Variants in EYA2 observed in about 807,000 individuals in gnomAD.
EYA2 encodes protein phosphatase EYA2.
A neutral mutation model predicts 69.2 loss-of-function variants in EYA2; 31 were observed. The observed-to-expected ratio is 0.45, with a 90% CI of 0.34 to 0.60. The LOEUF is 0.60. Ranked by LOEUF, EYA2 falls within the 20% of genes least tolerant of loss-of-function variation. The probability of loss-of-function intolerance (pLI) is 0.02; values close to 1 mark genes in which losing one functional copy is unlikely to be tolerated. For synonymous variants in EYA2, 257 were observed against 279.4 expected (o/e 0.92, Z 0.80); for missense variants, 622 against 701.2 (o/e 0.89, Z 1.28).
intron 5 of EYA2, among the ~76,000 whole-genome samples, chr20:47,039,597 G>A (rs1383117545): frequency 6.6e-6 from 1 of 152,118 alleles, no homozygotes; most frequent in Non-Finnish European, 1.5e-5. Context: ...ACCTACAATG[G>A]AAACAAAGTA....
At position 47,004,906 on chromosome 20, in the gene EYA2, G is replaced by T. The variant is rs200460704; in HGVS notation, c.156-36G>T. 9 of 1,613,982 alleles carry T rather than the reference G, an allele frequency of 5.6e-6. No homozygotes were observed. In the Admixed American group the frequency reaches 1.2e-4, roughly 21 times the overall value. On this transcript the variant is annotated intron_variant, in intron 3 of 15. Coordinates refer to ENST00000327619, the MANE Select transcript of EYA2 (RefSeq NM_005244.5). ...GATAAGGAAGAAGGGGTGCCAGACT[G>T]GGCCTGGAGATTTAATCTTCCCTCT...
chr20:47,132,975 C>T (rs3827058), intron 9 of EYA2, among the ~76,000 whole-genome samples: 3,380 of 151,924 alleles, frequency 0.022, 116 homozygotes, highest in East Asian at 0.092. Flanking sequence ...TTGTCTATGC[C>T]GCAAACACCC....
chr20:47,021,031 A>G (rs1233738506), intron 5 of EYA2, among the ~76,000 whole-genome samples: 2 of 152,210 alleles, frequency 1.3e-5, no homozygotes, highest in Non-Finnish European at 1.5e-5. Context: ...AAATGGGGAC[A>G]CTAAGAGTAC....
chr20:47,088,695 C>T (rs1411301903), intron 7 of EYA2, among the ~76,000 whole-genome samples: 2 of 152,198 alleles, frequency 1.3e-5, no homozygotes, highest in Admixed American at 6.5e-5. Context: ...TCAAGCGACC[C>T]TCCTACTCTG....
intron 1 of EYA2, among the ~76,000 whole-genome samples, chr20:46,900,041 G>GT (rs1240924505): frequency 6.6e-6 from 1 of 152,158 alleles, no homozygotes; most frequent in Non-Finnish European, 1.5e-5. Flanking sequence ...TGTTGTGTCA[G>GT]TAACATGAAA....
intron 1 of EYA2, among the ~76,000 whole-genome samples, chr20:46,966,402 A>G (rs970270215): frequency 2.0e-5 from 3 of 152,218 alleles, no homozygotes; most frequent in Non-Finnish European, 4.4e-5. Flanking sequence ...CTCTGTTCTC[A>G]TGGAGCATGT....
chr20:47,073,370 CT>C (rs1370640641), intron 6 of EYA2, among the ~76,000 whole-genome samples: 1 of 152,084 alleles, frequency 6.6e-6, no homozygotes, highest in Non-Finnish European at 1.5e-5. Flanking sequence ...TTCTGGACCC[CT>C]AATGCTGTGT....
intron 9 of EYA2, among the ~76,000 whole-genome samples, chr20:47,099,646 A>C (rs2032367465): frequency 6.6e-6 from 1 of 152,212 alleles, no homozygotes; most frequent in East Asian, 1.9e-4. Context: ...GCACACTGGA[A>C]GCCTCTGCTA....
chr20:47,088,364 A>G (rs1272606715), intron 7 of EYA2, among the ~76,000 whole-genome samples: 5 of 152,372 alleles, frequency 3.3e-5, no homozygotes, highest in African/African-American at 1.2e-4. Flanking sequence ...TAAAGGTGGA[A>G]GAGTGTAATG....
intron 5 of EYA2, among the ~76,000 whole-genome samples, chr20:47,023,557 G>T (rs1983884293): frequency 1.3e-5 from 2 of 150,550 alleles, no homozygotes; most frequent in African/African-American, 4.9e-5. Flanking sequence ...TGTAGTATCT[G>T]ATCTGCTGCT....
chr20:47,053,860 C>CA (rs2146439883), intron 5 of EYA2, among the ~76,000 whole-genome samples: 1 of 151,590 alleles, frequency 6.6e-6, no homozygotes, highest in Admixed American at 6.6e-5. Flanking sequence ...TCAGGGTTGT[C>CA]AAGGAGAGGC....
chr20:46,992,754 T>G (rs779947661), intron 2 of EYA2, among the ~76,000 whole-genome samples: 2 of 152,130 alleles, frequency 1.3e-5, no homozygotes, highest in African/African-American at 2.4e-5. Flanking sequence ...GAGAGGTTGC[T>G]CCCAAATTCA....
intron 10 of EYA2, among the ~76,000 whole-genome samples, chr20:47,163,328 G>A (rs1000360702): frequency 1.3e-5 from 2 of 152,206 alleles, no homozygotes; most frequent in African/African-American, 2.4e-5. Context: ...ACCGCGCCCA[G>A]CCGGATGTAT....
chr20:47,002,262 A>G (rs567381316), intron 3 of EYA2, among the ~76,000 whole-genome samples: 4 of 152,104 alleles, frequency 2.6e-5, no homozygotes, highest in African/African-American at 7.2e-5. Flanking sequence ...TACATAGGTA[A>G]ACATGTGCCA....
At chr20:46,959,874 A>G (rs1979366725) in intron 1 of EYA2, among the ~76,000 whole-genome samples, 2 of 151,678 alleles carry the variant, frequency 1.3e-5, no homozygotes, top group African/African-American at 2.4e-5. Flanking sequence ...TCTCTCTGAA[A>G]CTCTCCAAGT....
intron 12 of EYA2, 99 bp downstream of exon 12, chr20:47,172,966 C>T: frequency 7.2e-7 from 1 of 1,383,126 alleles, no homozygotes. Flanking sequence ...GAGAGGTTCA[C>T]AAGTTCAGTA....
At position 47,004,971 on chromosome 20, in the gene EYA2, C is replaced by T. The variant is rs564717893; in HGVS notation, c.185C>T (p.Pro62Leu). 9 of 1,614,010 alleles carry T rather than the reference C, an allele frequency of 5.6e-6. No individual in the cohort carries two copies. The highest frequency in any genetic ancestry group is 5.9e-6 in the Non-Finnish European group (7 of 1,180,006). The change falls in exon 4 of 16, where the codon CCT becomes CTT. Residue 62 changes from proline to leucine, a missense_variant. By Grantham distance (98) the Pro-to-Leu change is moderately conservative (BLOSUM62 -3). Coordinates refer to ENST00000327619, the MANE Select transcript of EYA2 (RefSeq NM_005244.5). Reference protein sequence around the residue: ...RSCPRVLPRQPSTAMAAYGQT... With the variant: ...RSCPRVLPRQLSTAMAAYGQT... ...TGCCCACGTGTCCTCCCCCGCCAGC[C>T]TTCCACAGCCATGGCAGCCTACGGC...
chr20:46,915,011 T>C (rs1404076427), intron 1 of EYA2, among the ~76,000 whole-genome samples: 4 of 152,218 alleles, frequency 2.6e-5, no homozygotes, highest in African/African-American at 9.7e-5. Flanking sequence ...TTTTCTTTTC[T>C]CTACCGGAGA....
At chr20:47,117,507 T>C (rs2032933158) in intron 9 of EYA2, 2 of 985,362 alleles carry the variant, frequency 2.0e-6, no homozygotes, top group Non-Finnish European at 2.4e-6. Context: ...CCCCGATTCC[T>C]CCGCGGGTGT....
Sources: allele counts gnomAD v4.1 joint callset (sites outside exome capture counted in the v4.1 genomes callset), GRCh38; gene constraint gnomAD v4.1.1; transcripts MANE v1.5; gene names NCBI Gene and HGNC (gene_info 2026-07-23, HGNC 2026-07-21).